Variants in ZEB2 observed in about 807,000 individuals in gnomAD.
ZEB2 encodes the protein zinc finger E-box-binding homeobox 2.
Under a neutral mutation model 99.9 loss-of-function variants are expected in ZEB2, and 6 were observed. The ratio of observed to expected loss-of-function variants is 0.06; its 90% confidence interval spans 0.03 to 0.12. The LOEUF is 0.12. Ranked by LOEUF, ZEB2 falls within the 10% of genes least tolerant of loss-of-function variation. The pLI, the probability that ZEB2 is intolerant of heterozygous loss-of-function variation, is 1.00. For missense variants in ZEB2, 969 were observed against 1,502.8 expected, an observed-to-expected ratio of 0.64 and a Z score of 5.87; for synonymous variants, 517 against 542.5, an observed-to-expected ratio of 0.95 and a Z score of 0.65.
chr2:144,470,702 C>T (rs1056957107), intron 2 of ZEB2, among the ~76,000 whole-genome samples: 8 of 152,102 alleles, frequency 5.3e-5, no homozygotes, highest in Non-Finnish European at 1.0e-4. Flanking sequence ...CCATAAGTTG[C>T]TTTTTTGTTA....
chr2:144,396,024 G>A (rs1373160861), intron 9 of ZEB2, among the ~76,000 whole-genome samples: 1 of 151,746 alleles, frequency 6.6e-6, no homozygotes, highest in Non-Finnish European at 1.5e-5. Flanking sequence ...TGAAACTAAT[G>A]TATTACTGTC....
intron 2 of ZEB2, chr2:144,464,389 T>A (rs1000146747): frequency 2.0e-5 from 3 of 152,188 alleles, no homozygotes; most frequent in Non-Finnish European, 2.9e-5. Flanking sequence ...TATTTAAATC[T>A]ACCATTTGGT....
At chr2:144,394,913 C>T (rs958123015) in intron 9 of ZEB2, among the ~76,000 whole-genome samples, 6 of 149,892 alleles carry the variant, frequency 4.0e-5, no homozygotes, top group Non-Finnish European at 8.9e-5. Context: ...TTCCCAAGGA[C>T]AGTTTTCAGT....
intron 8 of ZEB2, chr2:144,397,937 G>A (rs1276423979): frequency 1.4e-5 from 5 of 362,424 alleles, no homozygotes; most frequent in Non-Finnish European, 2.1e-5. Context: ...CATCACACCT[G>A]TCCTGTGTAC....
chr2:144,396,359 G>T (rs1435553226), intron 9 of ZEB2, 53 bp downstream of exon 9: 1 of 1,595,154 alleles, frequency 6.3e-7, no homozygotes, highest in Non-Finnish European at 8.6e-7. Flanking sequence ...TAAATATTAT[G>T]AAATGTACAG....
intron 2 of ZEB2, among the ~76,000 whole-genome samples, chr2:144,466,996 G>A (rs999463592): frequency 1.3e-5 from 2 of 152,070 alleles, no homozygotes; most frequent in East Asian, 1.9e-4. Flanking sequence ...AATTAAGGTC[G>A]CCAAAATAAT....
Position 144,402,273 on chromosome 2 carries a change from C to T in ZEB2, c.808-966G>A, listed in dbSNP as rs115276515. Among the ~76,000 whole-genome samples the T allele has an allele frequency of 5.6e-3, 848 of 152,244 alleles. 4 individuals are homozygous for T. The highest frequency in any genetic ancestry group is 9.7e-3 in the Non-Finnish European group (658 of 68,016). On this transcript the variant is annotated intron_variant, in intron 6 of 9. Transcript: ENST00000627532. ...GTCAGCCTTTTTCTAGCAGCAATGACACAAAAGCCTTTTGCAAAAAGACAG... is the reference window on the plus strand; with the variant it reads ...GTCAGCCTTTTTCTAGCAGCAATGATACAAAAGCCTTTTGCAAAAAGACAG...
chr2:144,484,185 T>TTGTGTG lies in ZEB2; in HGVS notation c.73+33087_73+33092dup, dbSNP rs10529605. On this transcript the variant is annotated intron_variant, in intron 2 of 9. Coordinates refer to ENST00000627532, the MANE Select transcript of ZEB2 (RefSeq NM_014795.4). ...CTCCAGGGGAGCTGGAAATCTGGAT[T>TTGTGTG]TGTGTGTGTGTGTGTGTGTGTGTGT... 8.9e-3 allele frequency among the ~76,000 whole-genome samples: 1,264 copies of TTGTGTG among 142,510 alleles called. 26 individuals carry two copies. The highest frequency in any genetic ancestry group is 0.03 in the African/African-American group (1,149 of 38,704). The allele number at this position is 142,510 out of a possible 152,430, so 93.5% of individuals were successfully genotyped here. A position where few individuals can be genotyped will look rare whatever the true frequency, so the allele number is the denominator to read the frequency against.
chr2:144,518,750 A>G (rs576048668), intron 1 of ZEB2: 22 of 152,334 alleles, frequency 1.4e-4, no homozygotes, highest in African/African-American at 5.3e-4. Context: ...TGAAATTGTT[A>G]GGGGAAATCC....
chr2:144,513,614 G>T, intron 2 of ZEB2: 1 of 1,531,336 alleles, frequency 6.5e-7, no homozygotes. Context: ...GAAGGTGGCG[G>T]GATGGGGAGG....
intron 8 of ZEB2, 72 bp from the exon 9 acceptor site, chr2:144,396,664 G>A: frequency 6.6e-6 from 10 of 1,518,758 alleles, no homozygotes; most frequent in Non-Finnish European, 8.1e-6. Context: ...CACATAGGGG[G>A]ACATTTGGAG....
At chr2:144,422,047 A>T (rs1295578963) in intron 4 of ZEB2, among the ~76,000 whole-genome samples, 1 of 152,230 alleles carries the variant, frequency 6.6e-6, no homozygotes, top group African/African-American at 2.4e-5. Context: ...TCCATCATTC[A>T]GAGAATCAAT....
At chr2:144,497,638 A>G (rs1307797504) in intron 2 of ZEB2, 1 of 167,012 alleles carries the variant, frequency 6.0e-6, no homozygotes, top group Non-Finnish European at 1.5e-5. Flanking sequence ...TGATGCTTGT[A>G]ATAATAGCAG....
At chr2:144,418,212 T>C (rs1317177213) in intron 4 of ZEB2, among the ~76,000 whole-genome samples, 1 of 152,202 alleles carries the variant, frequency 6.6e-6, no homozygotes, top group African/African-American at 2.4e-5. Context: ...GTCCTACAAC[T>C]TGTCTGTGTA....
At chr2:144,400,964 T>G (rs1435130471) in intron 7 of ZEB2, among the ~76,000 whole-genome samples, 1 of 152,236 alleles carries the variant, frequency 6.6e-6, no homozygotes, top group Non-Finnish European at 1.5e-5. Context: ...GATTTTGTAA[T>G]AAATCAAAGC....
rs561130448 is a variant in ZEB2, at chr2:144,431,862, A to G, written c.74-1836T>C. 7.3e-5 allele frequency among the ~76,000 whole-genome samples: 11 copies of G among 151,488 alleles called. No individual in the cohort carries two copies. In the South Asian group the frequency reaches 2.3e-3, roughly 32 times the overall value. On this transcript the variant is annotated intron_variant, in intron 2 of 9. Coordinates refer to ENST00000627532, the MANE Select transcript of ZEB2 (RefSeq NM_014795.4). ...GAGTGGGAATGGGGGGGCTACAACA[A>G]AAGCTCCTAAGGCCTGGGAAGCTTT...
intron 2 of ZEB2, among the ~76,000 whole-genome samples, chr2:144,468,924 C>G (rs923966047): frequency 4.6e-5 from 7 of 151,992 alleles, no homozygotes; most frequent in African/African-American, 1.7e-4. Context: ...GTACATATAT[C>G]AAATCGAGGA....
At chr2:144,428,039 A>G (rs1208374530) in intron 3 of ZEB2, 1 of 152,186 alleles carries the variant, frequency 6.6e-6, no homozygotes, top group East Asian at 1.9e-4. Flanking sequence ...TTGATATTAA[A>G]TTTTTTAAAT....
intron 2 of ZEB2, chr2:144,504,116 T>G (rs1189297582): frequency 5.5e-5 from 8 of 146,188 alleles, no homozygotes; most frequent in Non-Finnish European, 1.0e-4. Flanking sequence ...ACAAACCACC[T>G]TAATTTCCTC....
Sources: gnomAD v4.1 joint callset for allele counts (sites outside exome capture counted in the v4.1 genomes callset) on GRCh38, gnomAD v4.1.1 for gene constraint, MANE v1.5 for transcripts, NCBI Gene and HGNC (gene_info 2026-07-23, HGNC 2026-07-21) for gene names.